Variants in WDR27 observed in about 807,000 individuals in gnomAD.
WDR27 encodes the protein WD repeat domain 27.
In WDR27, 100 loss-of-function variants were observed where a neutral mutation model predicts 114.4. The ratio of observed to expected loss-of-function variants is 0.87; its 90% CI spans 0.74 to 1.03. The LOEUF is 1.03. WDR27 is among the 50% of genes least tolerant of loss of function. The pLI, the probability that WDR27 is intolerant of heterozygous loss-of-function variation, is 0.00. For synonymous variants in WDR27, 449 were observed against 423.1 expected (o/e 1.06, Z -0.75); for missense variants, 1,129 against 1,092.9 (o/e 1.03, Z -0.47).
intron 25 of WDR27, among the ~76,000 whole-genome samples, chr6:169,499,569 T>C (rs1790858693): frequency 6.6e-6 from 1 of 152,232 alleles, no homozygotes; most frequent in Non-Finnish European, 1.5e-5. Context: ...CAAATAATGA[T>C]GCCTCCCCAC....
intron 25 of WDR27, among the ~76,000 whole-genome samples, chr6:169,484,279 T>C (rs1788584827): frequency 6.6e-6 from 1 of 152,166 alleles, no homozygotes; most frequent in Non-Finnish European, 1.5e-5. Context: ...CAAAACCCTA[T>C]CGTCTCAGCC....
chr6:169,529,800 G>A (rs929388947), intron 25 of WDR27, among the ~76,000 whole-genome samples: 11 of 151,902 alleles, frequency 7.2e-5, no homozygotes, highest in Admixed American at 7.2e-4. Flanking sequence ...TTTTCCCTTG[G>A]TATTATTTAG....
chr6:169,446,265 G>A, the WDR27 span, among the ~76,000 whole-genome samples: 1 of 152,124 alleles, frequency 6.6e-6, no homozygotes, highest in Admixed American at 6.5e-5. Flanking sequence ...ATGGGCACCT[G>A]AGCACCCAGG....
chr6:169,566,273 T>A (rs982305913), intron 25 of WDR27, among the ~76,000 whole-genome samples: 1 of 152,148 alleles, frequency 6.6e-6, no homozygotes, highest in Non-Finnish European at 1.5e-5. Context: ...ATTCTGAGAG[T>A]GACAGCAGGG....
chr6:169,605,044 A>G (rs370452956), intron 22 of WDR27, among the ~76,000 whole-genome samples: 28 of 146,976 alleles, frequency 1.9e-4, no homozygotes, highest in African/African-American at 5.6e-4. Context: ...GAACAAGACA[A>G]GGATGCCCAC....
chr6:169,543,604 T>TA (rs1266874203), intron 25 of WDR27, among the ~76,000 whole-genome samples: 5 of 152,178 alleles, frequency 3.3e-5, no homozygotes, highest in African/African-American at 1.2e-4. Context: ...GTGAGATGAA[T>TA]GGCATGATTT....
intron 6 of WDR27, among the ~76,000 whole-genome samples, chr6:169,665,935 C>T (rs760302269): frequency 6.6e-6 from 1 of 152,178 alleles, no homozygotes. Context: ...CGACGTTGCA[C>T]TTGGAGCAGA....
intron 25 of WDR27, chr6:169,558,470 C>T (rs1799218159): frequency 6.6e-6 from 1 of 152,176 alleles, no homozygotes; most frequent in Non-Finnish European, 1.5e-5. Flanking sequence ...GGAGTCCTTG[C>T]TGCTGGATGT....
chr6:169,482,072 G>C (rs1388162715), intron 25 of WDR27, among the ~76,000 whole-genome samples: 1 of 152,226 alleles, frequency 6.6e-6, no homozygotes, highest in East Asian at 1.9e-4. Flanking sequence ...TCCTGCATCA[G>C]TTTGCTAAGG....
At chr6:169,513,956 C>CA (rs1793282683) in intron 25 of WDR27, among the ~76,000 whole-genome samples, 1 of 152,156 alleles carries the variant, frequency 6.6e-6, no homozygotes, top group Admixed American at 6.5e-5. Context: ...TGGCATTGCA[C>CA]AGTGGGCTTT....
chr6:169,433,213 A>G, the WDR27 span, among the ~76,000 whole-genome samples: 5 of 152,128 alleles, frequency 3.3e-5, no homozygotes, highest in Admixed American at 6.5e-5. Flanking sequence ...TAAGCCCCAC[A>G]TGCATTAGCA....
chr6:169,526,484 G>T (rs560790224), intron 25 of WDR27, among the ~76,000 whole-genome samples: 1 of 152,072 alleles, frequency 6.6e-6, no homozygotes, highest in Admixed American at 6.5e-5. Flanking sequence ...ATGGTGGTGG[G>T]CGCCCATAGT....
intron 25 of WDR27, among the ~76,000 whole-genome samples, chr6:169,493,706 C>T (rs1437537880): frequency 6.6e-6 from 1 of 152,042 alleles, no homozygotes; most frequent in African/African-American, 2.4e-5. Flanking sequence ...TTTTTCTGCA[C>T]ATCAAGAAGA....
chr6:169,669,723 A>G (rs879944788), intron 4 of WDR27: 1 of 152,122 alleles, frequency 6.6e-6, no homozygotes, highest in Non-Finnish European at 1.5e-5. Context: ...TAACTCCTAG[A>G]TACTTCCCAT....
At chr6:169,442,810 G>A in the WDR27 span, among the ~76,000 whole-genome samples, 2 of 152,166 alleles carry the variant, frequency 1.3e-5, no homozygotes, top group Non-Finnish European at 2.9e-5. Flanking sequence ...GATGCAGGAC[G>A]ACTGAGCCTG....
chr6:169,516,877 CATTTAGGAAA>C (rs1338393809), intron 25 of WDR27, among the ~76,000 whole-genome samples: 3 of 150,404 alleles, frequency 2.0e-5, no homozygotes, highest in Non-Finnish European at 4.4e-5. Context: ...TGGTTCCAGG[CATTTAGGAAA>C]ACATCTGTCC....
chr6:169,676,232 G>T (rs966199004), intron 2 of WDR27, among the ~76,000 whole-genome samples: 13 of 152,226 alleles, frequency 8.5e-5, no homozygotes, highest in South Asian at 2.1e-4. Context: ...CAGGTATTTT[G>T]TTATACTCAG....
At chr6:169,688,341 C>T (rs1487167407) in intron 2 of WDR27, among the ~76,000 whole-genome samples, 3 of 152,072 alleles carry the variant, frequency 2.0e-5, no homozygotes. Context: ...TATTAGAAGT[C>T]AAGATAGTGT....
In WDR27 at chr6:169,644,562, C is replaced by G. The variant is rs200960219; in HGVS notation, c.1658-776G>C. 1.1e-3 allele frequency among the ~76,000 whole-genome samples: 114 copies of G among 101,544 alleles called. 1 individual carries two copies. Among genetic ancestry groups the G allele is most frequent in the East Asian group, 3.2e-3 (9 of 2,822 alleles). The allele number at this position is 101,544 out of a possible 152,430, so 66.6% of individuals were successfully genotyped here. A position where few individuals can be genotyped will look rare whatever the true frequency, so the allele number is the denominator to read the frequency against. Reference sequence around the variant, plus strand: ...CCCTAGTTCACAGGAGTCACACTGTCGAAAAGCCTAGTTCACAGGAGTCAC... The same window carrying G: ...CCCTAGTTCACAGGAGTCACACTGTGGAAAAGCCTAGTTCACAGGAGTCAC... On this transcript the variant is annotated intron_variant, in intron 16 of 25. Coordinates refer to ENST00000448612, the MANE Select transcript of WDR27 (RefSeq NM_182552.5).
Sources: gnomAD v4.1 joint callset for allele counts (sites outside exome capture counted in the v4.1 genomes callset) on GRCh38, gnomAD v4.1.1 for gene constraint, MANE v1.5 for transcripts, NCBI Gene and HGNC (gene_info 2026-07-23, HGNC 2026-07-21) for gene names.